Variants in HIVEP2 observed in about 807,000 individuals in gnomAD.
The protein encoded by HIVEP2 is transcription factor HIVEP2.
A neutral mutation model predicts 180.7 loss-of-function variants in HIVEP2; 14 were observed. The observed-to-expected ratio is 0.08, with a 90% CI of 0.05 to 0.12. HIVEP2 has a LOEUF of 0.12. HIVEP2 is among the 10% of genes least tolerant of loss of function. The pLI is 1.00. For synonymous variants in HIVEP2, 1,184 were observed against 1,136.4 expected (o/e 1.04, Z -0.84); for missense variants, 2,579 against 3,008.5 (o/e 0.86, Z 3.34).
At chr6:142,931,701 T>A (rs1253680673) in intron 1 of HIVEP2, among the ~76,000 whole-genome samples, 1 of 152,218 alleles carries the variant, frequency 6.6e-6, no homozygotes, top group African/African-American at 2.4e-5. Flanking sequence ...GCAGTTGAAT[T>A]TTCTGCATAG....
intron 1 of HIVEP2, among the ~76,000 whole-genome samples, chr6:142,872,513 G>T (rs142923418): frequency 5.9e-5 from 9 of 152,244 alleles, no homozygotes; most frequent in Middle Eastern, 3.4e-3. Context: ...TCCAGCAAAT[G>T]GTTGGAGCAA....
At chr6:142,776,284 T>C (rs1775697649) in intron 3 of HIVEP2, 93 bp from the exon 4 acceptor site, 2 of 152,538 alleles carry the variant, frequency 1.3e-5, no homozygotes, top group South Asian at 4.1e-4. Flanking sequence ...CAGTTCATTA[T>C]ATAAAGGGTT....
At chr6:142,832,206 A>AC (rs1775106994) in intron 2 of HIVEP2, among the ~76,000 whole-genome samples, 1 of 150,810 alleles carries the variant, frequency 6.6e-6, no homozygotes, top group African/African-American at 2.4e-5. Context: ...AAAAAAAAAA[A>AC]CAGAAAACAA....
chr6:142,906,797 T>C (rs1777274041), intron 1 of HIVEP2, among the ~76,000 whole-genome samples: 1 of 152,186 alleles, frequency 6.6e-6, no homozygotes, highest in Non-Finnish European at 1.5e-5. Context: ...TTCAAGTGTA[T>C]GAATGTGGGC....
chr6:142,805,627 T>A (rs537143312), intron 2 of HIVEP2, among the ~76,000 whole-genome samples: 5 of 151,964 alleles, frequency 3.3e-5, no homozygotes, highest in Admixed American at 3.3e-4. Flanking sequence ...AAATAGCATA[T>A]GGGAACAGTT....
chr6:142,811,675 C>T (rs1776701920), intron 2 of HIVEP2, among the ~76,000 whole-genome samples: 2 of 152,200 alleles, frequency 1.3e-5, no homozygotes, highest in Non-Finnish European at 2.9e-5. Flanking sequence ...TATGAGAATA[C>T]TTCCTAACAC....
intron 1 of HIVEP2, among the ~76,000 whole-genome samples, chr6:142,859,081 G>A (rs1775902641): frequency 6.6e-6 from 1 of 152,154 alleles, no homozygotes; most frequent in African/African-American, 2.4e-5. Flanking sequence ...TTTGAGATTA[G>A]CCACTTTGAA....
chr6:142,809,360 T>C (rs903205926), intron 2 of HIVEP2, among the ~76,000 whole-genome samples: 2 of 152,034 alleles, frequency 1.3e-5, no homozygotes, highest in Non-Finnish European at 1.5e-5. Context: ...GCCCTCCCTC[T>C]CCTCACTCTT....
intron 2 of HIVEP2, among the ~76,000 whole-genome samples, chr6:142,825,489 A>G (rs574579894): frequency 4.1e-4 from 63 of 152,300 alleles, no homozygotes; most frequent in Non-Finnish European, 7.5e-4. Flanking sequence ...CTAACCACTC[A>G]CATTGTTGCC....
At chr6:142,823,246 T>C (rs918974117) in intron 2 of HIVEP2, among the ~76,000 whole-genome samples, 3 of 152,200 alleles carry the variant, frequency 2.0e-5, no homozygotes, top group African/African-American at 4.8e-5. Context: ...TCCCACACTT[T>C]AGAAAGCCTG....
intron 1 of HIVEP2, among the ~76,000 whole-genome samples, chr6:142,930,806 C>T (rs1777926150): frequency 6.6e-6 from 1 of 152,036 alleles, no homozygotes; most frequent in African/African-American, 2.4e-5. Context: ...CAGCAGTGTC[C>T]CCACATGAAT....
At chr6:142,913,137 G>A (rs1417072495) in intron 1 of HIVEP2, among the ~76,000 whole-genome samples, 1 of 152,122 alleles carries the variant, frequency 6.6e-6, no homozygotes, top group Non-Finnish European at 1.5e-5. Context: ...GTGACCTATG[G>A]GAACCGAACT....
At chr6:142,860,253 A>T (rs559196192) in intron 1 of HIVEP2, among the ~76,000 whole-genome samples, 2 of 152,338 alleles carry the variant, frequency 1.3e-5, no homozygotes, top group African/African-American at 4.8e-5. Context: ...ACTCCTGATG[A>T]AAGGAAAATA....
chr6:142,906,766 C>T (rs1465787729), intron 1 of HIVEP2, among the ~76,000 whole-genome samples: 1 of 151,984 alleles, frequency 6.6e-6, no homozygotes, highest in East Asian at 1.9e-4. Context: ...AGGATTGTAT[C>T]AATATCATGA....
intron 1 of HIVEP2, among the ~76,000 whole-genome samples, chr6:142,917,394 C>T (rs892269202): frequency 2.6e-5 from 4 of 152,148 alleles, no homozygotes; most frequent in Admixed American, 6.5e-5. Context: ...TGACAGCCAC[C>T]GCAGCAGAAG....
chr6:142,782,672 A>C (rs1775887149), intron 3 of HIVEP2, among the ~76,000 whole-genome samples: 1 of 152,212 alleles, frequency 6.6e-6, no homozygotes, highest in Non-Finnish European at 1.5e-5. Flanking sequence ...TTTGGAGAAA[A>C]GTAAAAATAC....
intron 1 of HIVEP2, among the ~76,000 whole-genome samples, chr6:142,878,212 A>G (rs766834650): frequency 6.6e-6 from 1 of 152,190 alleles, no homozygotes; most frequent in Non-Finnish European, 1.5e-5. Context: ...CTTCAGCACA[A>G]TGAGAAAATG....
intron 2 of HIVEP2, among the ~76,000 whole-genome samples, chr6:142,790,368 C>T (rs1032788204): frequency 3.9e-5 from 6 of 152,100 alleles, no homozygotes; most frequent in Non-Finnish European, 8.8e-5. Flanking sequence ...CCTTCCCTTC[C>T]ATTTCCTCTA....
At chr6:142,936,619 A>G (rs1778061929) in intron 1 of HIVEP2, among the ~76,000 whole-genome samples, 1 of 152,224 alleles carries the variant, frequency 6.6e-6, no homozygotes, top group African/African-American at 2.4e-5. Context: ...ATATATGTAC[A>G]TACACACATA....
Sources: gnomAD v4.1 joint callset for allele counts (sites outside exome capture counted in the v4.1 genomes callset) on GRCh38, gnomAD v4.1.1 for gene constraint, MANE v1.5 for transcripts, NCBI Gene and HGNC (gene_info 2026-07-23, HGNC 2026-07-21) for gene names.